Variants in NDFIP1 observed in about 807,000 individuals in gnomAD.
The protein encoded by NDFIP1 is NEDD4 family-interacting protein 1.
NDFIP1 carries 7 observed loss-of-function variants against 28.8 expected under a neutral mutation model. That is an observed-to-expected ratio of 0.24 (90% CI 0.14 to 0.46). The LOEUF (loss-of-function observed/expected upper bound fraction) is 0.46, where lower values mean the gene tolerates loss of function less well. NDFIP1 is among the 20% of genes least tolerant of loss of function. NDFIP1 has a pLI of 0.99. For synonymous variants in NDFIP1, 92 were observed against 101.0 expected, an observed-to-expected ratio of 0.91 and a Z score of 0.53; for missense variants, 194 against 269.1, an observed-to-expected ratio of 0.72 and a Z score of 1.95.
chr5:142,113,122 A>C (rs917241989), intron 1 of NDFIP1, among the ~76,000 whole-genome samples: 4 of 152,204 alleles, frequency 2.6e-5, no homozygotes, highest in African/African-American at 9.7e-5. Context: ...CAGATTACAG[A>C]ATGTTTAGTT....
chr5:142,131,189 A>G (rs6580229), intron 1 of NDFIP1, among the ~76,000 whole-genome samples: 102,130 of 151,820 alleles, frequency 0.67, 34,644 homozygotes, highest in African/African-American at 0.77. Flanking sequence ...GAACTCCTAA[A>G]CTCTCCTAAT....
At chr5:142,110,780 G>T (rs1757006836) in intron 1 of NDFIP1, among the ~76,000 whole-genome samples, 1 of 152,128 alleles carries the variant, frequency 6.6e-6, no homozygotes, top group East Asian at 1.9e-4. Context: ...GTATATGTGT[G>T]TACAGATAAG....
At chr5:142,130,874 T>C (rs1757220498) in intron 1 of NDFIP1, among the ~76,000 whole-genome samples, 1 of 152,328 alleles carries the variant, frequency 6.6e-6, no homozygotes, top group African/African-American at 2.4e-5. Flanking sequence ...TAAAAAGGAT[T>C]ATATGATGCC....
At chr5:142,119,837 A>G (rs1279617434) in intron 1 of NDFIP1, among the ~76,000 whole-genome samples, 3 of 152,256 alleles carry the variant, frequency 2.0e-5, no homozygotes, top group African/African-American at 7.2e-5. Flanking sequence ...AATTTTGATT[A>G]ACAATGAATA....
Position 142,144,696 on chromosome 5 carries a change from T to G in NDFIP1, c.*2+20T>G. The G allele has an allele frequency of 2.7e-6, 4 of 1,461,082 alleles. No homozygotes were observed. Among genetic ancestry groups the G allele is most frequent in the Non-Finnish European group, 3.8e-6 (4 of 1,049,894 alleles). The allele number at this position is 1,461,082 out of a possible 1,614,324, so 90.5% of individuals were successfully genotyped here. ...TTAAAGGTATTAAAGAAAAAATTTA[T>G]TCTAGTCCCAGTGTAACCATGTGCT... On this transcript the variant is annotated intron_variant, in intron 7 of 7. Transcript: ENST00000253814.
At chr5:142,137,480 G>A (rs1378453661) in intron 4 of NDFIP1, among the ~76,000 whole-genome samples, 2 of 152,214 alleles carry the variant, frequency 1.3e-5, no homozygotes, top group African/African-American at 2.4e-5. Flanking sequence ...ATTGTGCTCA[G>A]CCTATTAAGG....
intron 6 of NDFIP1, 87 bp from the exon 7 acceptor site, chr5:142,144,484 T>C (rs1457166433): frequency 2.2e-6 from 2 of 912,318 alleles, no homozygotes; most frequent in African/African-American, 1.7e-5. Flanking sequence ...AAAATAACAA[T>C]GTATCGCTAT....
intron 1 of NDFIP1, among the ~76,000 whole-genome samples, chr5:142,110,520 A>T (rs549918926): frequency 6.6e-6 from 1 of 152,314 alleles, no homozygotes; most frequent in African/African-American, 2.4e-5. Flanking sequence ...ACATACTGCT[A>T]GAATATAAAA....
chr5:142,121,702 T>C (rs1282888633), intron 1 of NDFIP1, among the ~76,000 whole-genome samples: 1 of 152,232 alleles, frequency 6.6e-6, no homozygotes, highest in Non-Finnish European at 1.5e-5. Context: ...ATCACTGTCC[T>C]CTCTACAGTT....
intron 1 of NDFIP1, among the ~76,000 whole-genome samples, chr5:142,113,531 T>C (rs1452646643): frequency 6.6e-6 from 1 of 152,232 alleles, no homozygotes. Context: ...GGAAGATGGG[T>C]AAATTATTCC....
intron 3 of NDFIP1, among the ~76,000 whole-genome samples, chr5:142,134,904 T>C (rs192090272): frequency 4.6e-5 from 7 of 152,216 alleles, no homozygotes; most frequent in Non-Finnish European, 1.0e-4. Context: ...TGGGCAGTTC[T>C]GTGGACTATT....
chr5:142,149,312 A>T (rs1757421929), intron 7 of NDFIP1, among the ~76,000 whole-genome samples: 1 of 152,188 alleles, frequency 6.6e-6, no homozygotes, highest in Non-Finnish European at 1.5e-5. Context: ...ATGTTATAAG[A>T]TAGCAAGATA....
At chr5:142,118,200 G>C (rs977781691) in intron 1 of NDFIP1, among the ~76,000 whole-genome samples, 2 of 152,126 alleles carry the variant, frequency 1.3e-5, no homozygotes, top group African/African-American at 4.8e-5. Flanking sequence ...ACTTTGTTCA[G>C]ATTTTCTAAG....
At chr5:142,142,081 G>A in intron 6 of NDFIP1, among the ~76,000 whole-genome samples, 1 of 152,092 alleles carries the variant, frequency 6.6e-6, no homozygotes, top group Non-Finnish European at 1.5e-5. Context: ...AGCCTGCAGT[G>A]AACTATGATG....
At chr5:142,141,940 C>T (rs1048127195) in intron 6 of NDFIP1, among the ~76,000 whole-genome samples, 1 of 152,032 alleles carries the variant, frequency 6.6e-6, no homozygotes, top group Admixed American at 6.6e-5. Flanking sequence ...TTAAGACCAG[C>T]CTGGGCAACA....
At chr5:142,134,878 T>C (rs35887942) in intron 3 of NDFIP1, among the ~76,000 whole-genome samples, 43,882 of 152,158 alleles carry the variant, frequency 0.29, 7,272 homozygotes, top group Non-Finnish European at 0.37. Context: ...AAATACATGC[T>C]TATGGAGTTG....
chr5:142,149,425 A>G (rs866151285), intron 7 of NDFIP1, among the ~76,000 whole-genome samples: 1 of 133,284 alleles, frequency 7.5e-6, no homozygotes, highest in Admixed American at 7.9e-5. Flanking sequence ...TCTGTAGGCT[A>G]TTGGATTCCT....
chr5:142,117,989 C>A (rs1478259096), intron 1 of NDFIP1, among the ~76,000 whole-genome samples: 1 of 152,088 alleles, frequency 6.6e-6, no homozygotes, highest in Admixed American at 6.6e-5. Context: ...CCCCCACTGA[C>A]CTCCCAAGTA....
At chr5:142,137,585 G>C (rs910453368) in intron 4 of NDFIP1, 149 bp from the exon 5 acceptor site, 42 of 873,516 alleles carry the variant, frequency 4.8e-5, no homozygotes, top group Admixed American at 1.9e-4. Flanking sequence ...CAGAAGAATG[G>C]ATGTTTTAGA....
Sources: gnomAD v4.1 joint callset for allele counts (sites outside exome capture counted in the v4.1 genomes callset) on GRCh38, gnomAD v4.1.1 for gene constraint, MANE v1.5 for transcripts, NCBI Gene and HGNC (gene_info 2026-07-23, HGNC 2026-07-21) for gene names.